The following ZNF34 variants were observed in gnomAD, a reference collection of about 807,000 sequenced individuals.
ZNF34 encodes zinc finger protein 34 (KOX 32).
A neutral mutation model predicts 14.4 loss-of-function variants in ZNF34; 8 were observed. The observed-to-expected ratio is 0.55, with a 90% CI of 0.33 to 1.00. The LOEUF is 1.00. Among genes scored for constraint, ZNF34 ranks in the 50% least tolerant of loss-of-function variants. The pLI is 0.03. For synonymous variants in ZNF34, 235 were observed against 247.9 expected (o/e 0.95, Z 0.49); for missense variants, 538 against 674.2 (o/e 0.80, Z 2.24).
In ZNF34 at chr8:144,780,249, C is replaced by T. The variant is rs1337932221; in HGVS notation, c.-76G>A. 1.0e-5 allele frequency: 16 copies of T among 1,549,924 alleles called. No individual in the cohort carries two copies. Among genetic ancestry groups the T allele is most frequent in the African/African-American group, 5.5e-5 (4 of 73,078 alleles). On this transcript the variant is annotated 5_prime_UTR_variant, in exon 2 of 6. Coordinates refer to ENST00000429371, the MANE Select transcript of ZNF34 (RefSeq NM_001286769.2). ...TCACCTACCAGAAGCATGAGACTCT[C>T]GGATTAGATACATGTGATGCAACTA...
At chr8:144,786,745 G>GA (rs1383523166) in intron 1 of ZNF34, among the ~76,000 whole-genome samples, 1 of 152,058 alleles carries the variant, frequency 6.6e-6, no homozygotes, top group East Asian at 1.9e-4. Context: ...AAAAGCCTTG[G>GA]AGCGCCAGAA....
In ZNF34 at chr8:144,773,204, G is replaced by C; in HGVS notation, c.*62C>G. ...GGATAATACATAAAGGGCAGAGTCAGGTGCCGGGGGCGCATGCAGGAAGTG... is the reference window on the plus strand; with the variant it reads ...GGATAATACATAAAGGGCAGAGTCACGTGCCGGGGGCGCATGCAGGAAGTG... On this transcript the variant is annotated 3_prime_UTR_variant, in exon 6 of 6. Coordinates refer to ENST00000429371, the MANE Select transcript of ZNF34 (RefSeq NM_001286769.2). The surrounding 1 kb of genome is among the most constrained non-coding windows in gnomAD (Gnocchi z 5.4). The C allele has an allele frequency of 6.6e-7, 1 of 1,511,042 alleles. No individual in the cohort carries two copies. The highest frequency in any genetic ancestry group is 1.4e-5 in the African/African-American group (1 of 72,554). 93.6% of individuals were successfully genotyped at this position (1,511,042 alleles called of 1,614,324 possible). A position where few individuals can be genotyped will look rare whatever the true frequency, so the allele number is the denominator to read the frequency against.
intron 1 of ZNF34, among the ~76,000 whole-genome samples, chr8:144,782,854 A>AAAAAAAAAAAAAAAAAAAAAAAG (rs1825977612): frequency 8.4e-6 from 1 of 118,632 alleles, no homozygotes; most frequent in Non-Finnish European, 2.1e-5. Context: ...AAAAAAAAAA[A>AAAAAAAAAAAAAAAAAAAAAAAG]AAAAAAAAAA....
rs1344683786 is a variant in ZNF34 at position 144,778,027 on chromosome 8, G to A, written c.160+11C>T. ...GCTGTTCCCAGAGCTGAGTTCTGGT[G>A]AGGGCCTTACCCAGTGAGACTAGGT... On this transcript the variant is annotated intron_variant, in intron 4 of 5. Transcript: ENST00000429371. The A allele has an allele frequency of 1.9e-6, 3 of 1,613,682 alleles. No individual in the cohort carries two copies. Among genetic ancestry groups the A allele is most frequent in the African/African-American group, 2.7e-5 (2 of 75,042 alleles).
chr8:144,781,627 C>T (rs1304284118), intron 1 of ZNF34, among the ~76,000 whole-genome samples: 1 of 151,998 alleles, frequency 6.6e-6, no homozygotes, highest in Non-Finnish European at 1.5e-5. Flanking sequence ...ACATAGAGAA[C>T]ACACATTGTT....
rs758669919 is a variant in ZNF34, at chr8:144,778,467, G to T, written c.5C>A (p.Ala2Glu). ...GGGTGGGGCAGACAGGAACAAGGCC[G>T]CCATTGCCTGAGGGTTGGGCTTTCT... is the stretch of plus-strand genomic sequence containing the variant. M[A>E]ALFLSAPPQA... The change falls in exon 3 of 6, where the codon GCG (alanine) becomes GAG (glutamate). Residue 2 changes from alanine (A) to glutamate (E), a missense_variant. Transcript: ENST00000429371. 10 of 1,590,892 alleles carry T rather than the reference G, an allele frequency of 6.3e-6. No homozygotes were observed. The highest frequency in any genetic ancestry group is 2.3e-5 in the East Asian group (1 of 44,134).
chr8:144,773,141 A>T lies in ZNF34; in HGVS notation c.*125T>A. The stretch of plus-strand genomic sequence containing the variant: ...TTGATTTAAGAAAAGAGGTTTGTTT[A>T]ATGAGAAACGTCCTTTCACTCTGTG... On this transcript the variant is annotated 3_prime_UTR_variant, in exon 6 of 6. Transcript: ENST00000429371. This position sits in a 1 kb window ranked among gnomAD's most constrained non-coding sequence, Gnocchi z 5.4. 2 of 1,048,916 alleles carry T rather than the reference A, an allele frequency of 1.9e-6. No homozygotes were observed. The highest frequency in any genetic ancestry group is 2.6e-6 in the Non-Finnish European group (2 of 765,224). 65.0% of individuals were successfully genotyped at this position (1,048,916 alleles called of 1,614,324 possible). A position where few individuals can be genotyped will look rare whatever the true frequency, so the allele number is the denominator to read the frequency against.
intron 5 of ZNF34, among the ~76,000 whole-genome samples, chr8:144,774,996 C>T (rs1441626452): frequency 6.6e-6 from 1 of 152,220 alleles, no homozygotes; most frequent in African/African-American, 2.4e-5. Flanking sequence ...AACAACTCAC[C>T]TACCTTTCTG....
intron 1 of ZNF34, among the ~76,000 whole-genome samples, chr8:144,780,726 T>C (rs975757706): frequency 3.6e-4 from 54 of 149,828 alleles, no homozygotes; most frequent in African/African-American, 1.3e-3. Flanking sequence ...GAGGCGGAGG[T>C]TGTAGTGAGC....
At position 144,773,071 on chromosome 8, in the gene ZNF34, C is replaced by T. The variant is rs183437533; in HGVS notation, c.*195G>A. 799 of 578,944 alleles carry T rather than the reference C, an allele frequency of 1.4e-3. 8 individuals are homozygous for T. Among genetic ancestry groups the T allele is most frequent in the Middle Eastern group, 5.1e-3 (13 of 2,564 alleles). The allele number at this position is 578,944 out of a possible 1,614,324, so 35.9% of individuals were successfully genotyped here. A position where few individuals can be genotyped will look rare whatever the true frequency, so the allele number is the denominator to read the frequency against. ...AGAGATCACAGAAGCTTCTTTTTTG[C>T]CCACTTTTCTGTCTCAATTTCTCTA... On this transcript the variant is annotated 3_prime_UTR_variant, in exon 6 of 6. Coordinates refer to ENST00000429371, the MANE Select transcript of ZNF34 (RefSeq NM_001286769.2). The surrounding 1 kb of genome is among the most constrained non-coding windows in gnomAD (Gnocchi z 5.4).
At position 144,772,634 on chromosome 8, in the gene ZNF34, G is replaced by A. The variant is rs1475117495; in HGVS notation, c.*632C>T. The stretch of plus-strand genomic sequence containing the variant: ...GGCTCACTGCAACCTCCGCCTCCCA[G>A]GTTCAAGCAATGCTCCTGCCTCAGC... On this transcript the variant is annotated 3_prime_UTR_variant, in exon 6 of 6. Transcript: ENST00000429371. Among the ~76,000 whole-genome samples the A allele has an allele frequency of 1.3e-5, 2 of 152,184 alleles. No homozygotes were observed. The highest frequency in any genetic ancestry group is 4.8e-5 in the African/African-American group (2 of 41,448).
At chr8:144,774,664 G>GA (rs1825392039) in intron 5 of ZNF34, 59 bp from the exon 6 acceptor site, 1 of 1,538,632 alleles carries the variant, frequency 6.5e-7, no homozygotes, top group Admixed American at 2.0e-5. Context: ...AGGTAGGCAT[G>GA]AGATGCTGCT....
At position 144,773,613 on chromosome 8, in the gene ZNF34, G is replaced by C. The variant is rs1825301438; in HGVS notation, c.1273C>G (p.Pro425Ala). ...EHQRSHTGEKPYECNDCGKVF... is the reference protein window; with the variant it reads ...EHQRSHTGEKAYECNDCGKVF... ...TTGCCACAGTCATTGCATTCATAGG[G>C]CTTCTCTCCAGTGTGGCTTCTCTGA... The change falls in exon 6 of 6, where the codon CCC (proline) becomes GCC (alanine). Residue 425 changes from proline (P) to alanine (A), a missense_variant. Pro to Ala is a conservative substitution (Grantham distance 27). Around this residue, in one of 3 missense-constraint regions of ZNF34, gnomAD observed 431 missense variants for 525.7 expected, o/e 0.82. Transcript: ENST00000429371. This position sits in a 1 kb window ranked among gnomAD's most constrained non-coding sequence, Gnocchi z 5.4. 6.2e-7 allele frequency: 1 copy of C among 1,614,008 alleles called. No homozygotes were observed. Among genetic ancestry groups the C allele is most frequent in the African/African-American group, 1.3e-5 (1 of 74,902 alleles).
Position 144,773,235 on chromosome 8 carries a change from C to T in ZNF34, c.*31G>A, listed in dbSNP as rs1825269580. On this transcript the variant is annotated 3_prime_UTR_variant, in exon 6 of 6. Transcript: ENST00000429371. The surrounding 1 kb of genome is among the most constrained non-coding windows in gnomAD (Gnocchi z 5.4). ...GGGGGCGCATGCAGGAAGTGCTCAG[C>T]TGGACTCTGCCCTCGGACACCGCGC... 6.4e-7 allele frequency: 1 copy of T among 1,569,494 alleles called. No individual in the cohort carries two copies. The highest frequency in any genetic ancestry group is 8.7e-7 in the Non-Finnish European group (1 of 1,154,048).
In ZNF34 at chr8:144,774,431, T is replaced by G. The variant is rs1563784645; in HGVS notation, c.455A>C (p.Glu152Ala). ...GTTTCCCCCAGACTCCCTGCTGCTC[T>G]CCCCGTTGGTCAGTGTGACTGCCCT... Reference protein sequence around the residue: ...GPRAVTLTNGESSRESGGNLR... With the variant: ...GPRAVTLTNGASSRESGGNLR... The change falls in exon 6 of 6, where the codon GAG (glutamate) becomes GCG (alanine). Residue 152 changes from glutamate to alanine, a missense_variant. Transcript: ENST00000429371. 1 of 1,613,978 alleles carries G rather than the reference T, an allele frequency of 6.2e-7. No homozygotes were observed. The highest frequency in any genetic ancestry group is 8.5e-7 in the Non-Finnish European group (1 of 1,179,888).
At chr8:144,786,818 G>T (rs964342080) in intron 1 of ZNF34, among the ~76,000 whole-genome samples, 1 of 151,982 alleles carries the variant, frequency 6.6e-6, no homozygotes, top group East Asian at 1.9e-4. Flanking sequence ...GAGCGCGGAC[G>T]CTAAAGGCAG....
At position 144,776,140 on chromosome 8, in the gene ZNF34, C is replaced by T. The variant is rs182229314; in HGVS notation, c.280+1318G>A. ...CAGCCTGGCCAATACGGTGTAACCC[C>T]GTCTCTATTAAAAATACAAAAATTA... On this transcript the variant is annotated intron_variant, in intron 5 of 5. Coordinates refer to ENST00000429371, the MANE Select transcript of ZNF34 (RefSeq NM_001286769.2). 1.7e-3 allele frequency among the ~76,000 whole-genome samples: 252 copies of T among 151,886 alleles called. 1 individual carries two copies. The highest frequency in any genetic ancestry group is 5.5e-3 in the African/African-American group (227 of 41,404).
At position 144,774,238 on chromosome 8, in the gene ZNF34, A is replaced by C; in HGVS notation, c.648T>G (p.Val216=). Reference sequence around the variant, plus strand: ...TAGGAATTTTCTGATCTTCTTTAACAACTAAGTTTGCACTGAAGATTTCCC... The same window carrying C: ...TAGGAATTTTCTGATCTTCTTTAACCACTAAGTTTGCACTGAAGATTTCCC... ...NSGEIFSANL[V]VKEDQKIPTG... Residue 216 remains valine, a synonymous_variant, in exon 6 of 6, where the codon GTT becomes GTG. Coordinates refer to ENST00000429371, the MANE Select transcript of ZNF34 (RefSeq NM_001286769.2). 1.9e-6 allele frequency: 3 copies of C among 1,613,794 alleles called. No individual in the cohort carries two copies. In the African/African-American group the frequency reaches 4.0e-5, roughly 22 times the overall value.
chr8:144,781,134 C>CAAAT (rs143853733), intron 1 of ZNF34, among the ~76,000 whole-genome samples: 12,822 of 140,276 alleles, frequency 0.091, 790 homozygotes, highest in East Asian at 0.18. Context: ...GACTCCATCT[C>CAAAT]AAATAAATAA....
Sources: gnomAD v4.1 joint callset for allele counts (sites outside exome capture counted in the v4.1 genomes callset) on GRCh38, gnomAD v4.1.1 for gene constraint, gnomAD v4.1.1 regional missense constraint, Gnocchi (gnomAD v3.1) non-coding constraint, MANE v1.5 for transcripts, NCBI Gene and HGNC (gene_info 2026-07-23, HGNC 2026-07-21) for gene names.